KIAA1217: variants seen among roughly 807,000 people sequenced by gnomAD.
KIAA1217 encodes the protein KIAA1217.
KIAA1217 carries 88 observed loss-of-function variants against 163.9 expected under a neutral mutation model. The ratio of observed to expected loss-of-function variants is 0.54; its 90% CI spans 0.45 to 0.64. The LOEUF (loss-of-function observed/expected upper bound fraction) is 0.64, where lower values mean the gene tolerates loss of function less well. Ranked by LOEUF, KIAA1217 falls within the 30% of genes least tolerant of loss-of-function variation. The pLI, the probability that KIAA1217 is intolerant of heterozygous loss-of-function variation, is 0.00. For synonymous variants in KIAA1217, 903 were observed against 923.1 expected (o/e 0.98, Z 0.39); for missense variants, 2,372 against 2,475.0 (o/e 0.96, Z 0.88).
Position 24,520,240 on chromosome 10 carries a change from A to G in KIAA1217, c.2295A>G (p.Val765=). 6.2e-7 allele frequency: 1 copy of G among 1,614,144 alleles called. No homozygotes were observed. Among genetic ancestry groups the G allele is most frequent in the South Asian group, 1.1e-5 (1 of 91,074 alleles). ...TCCTGCGTCAAGTGGGAGAGGCTGT[A>G]GCTACCCTGAAAGGTAAACTTTCTG... is the stretch of plus-strand genomic sequence containing the variant. ...AFLLRQVGEA[V]ATLKGEFPTL... Residue 765 remains valine, a synonymous_variant, in exon 11 of 21, where the codon GTA becomes GTG. Coordinates refer to ENST00000376454, the MANE Select transcript of KIAA1217 (RefSeq NM_019590.5).
At chr10:24,474,122 C>T in intron 6 of KIAA1217, 62 bp downstream of exon 6, 2 of 1,227,882 alleles carry the variant, frequency 1.6e-6, no homozygotes, top group East Asian at 2.3e-5. Context: ...GTGGGCAGCT[C>T]TACAGGGGTC....
chr10:24,203,680 A>AG (rs2067393175), intron 2 of KIAA1217, among the ~76,000 whole-genome samples: 1 of 152,098 alleles, frequency 6.6e-6, no homozygotes, highest in Admixed American at 6.5e-5. Flanking sequence ...GTTGATAATG[A>AG]GGCACTGTGG....
chr10:23,816,893 A>T (rs535432292), intron 1 of KIAA1217, among the ~76,000 whole-genome samples: 4 of 152,308 alleles, frequency 2.6e-5, no homozygotes, highest in Admixed American at 6.5e-5. Flanking sequence ...ATTCTGGGAA[A>T]CAAGCAAGGC....
chr10:24,433,962 A>G lies in KIAA1217; in HGVS notation c.752+769A>G, dbSNP rs58548261. On this transcript the variant is annotated intron_variant, in intron 4 of 20. Coordinates refer to ENST00000376454, the MANE Select transcript of KIAA1217 (RefSeq NM_019590.5). Reference sequence around the variant, plus strand: ...AAATTAAGCTAAATGGACTCCTGCTATTGATGGGATTGAGAGTCAGTTAGA... The same window carrying G: ...AAATTAAGCTAAATGGACTCCTGCTGTTGATGGGATTGAGAGTCAGTTAGA... Among the ~76,000 whole-genome samples, 41 of 141,088 alleles carry G rather than the reference A, an allele frequency of 2.9e-4. No homozygotes were observed. In the East Asian group the frequency reaches 5.8e-3, roughly 20 times the overall value. The allele number at this position is 141,088 out of a possible 152,430, so 92.6% of individuals were successfully genotyped here.
chr10:23,847,130 G>A (rs529170259), intron 1 of KIAA1217, among the ~76,000 whole-genome samples: 4 of 152,144 alleles, frequency 2.6e-5, no homozygotes, highest in South Asian at 2.1e-4. Context: ...TACTGGATTC[G>A]GTTTGCCAGT....
intron 3 of KIAA1217, among the ~76,000 whole-genome samples, chr10:24,397,018 G>C (rs1051291394): frequency 1.3e-5 from 2 of 151,946 alleles, no homozygotes; most frequent in Admixed American, 1.3e-4. Context: ...AAGAATCTGG[G>C]TTCTGTAGAT....
intron 2 of KIAA1217, among the ~76,000 whole-genome samples, chr10:24,025,189 G>A (rs1847889169): frequency 6.6e-6 from 1 of 151,660 alleles, no homozygotes; most frequent in Non-Finnish European, 1.5e-5. Flanking sequence ...TTAGATGCTT[G>A]TGTTTGGTCT....
chr10:24,521,950 C>G (rs1434194254), intron 12 of KIAA1217, 21 bp downstream of exon 12: 1 of 1,597,248 alleles, frequency 6.3e-7, no homozygotes, highest in Non-Finnish European at 8.5e-7. Flanking sequence ...CCTCATCGTG[C>G]TGGGGGTGGC....
intron 1 of KIAA1217, among the ~76,000 whole-genome samples, chr10:23,741,329 G>A (rs184021185): frequency 2.7e-4 from 41 of 152,240 alleles, no homozygotes; most frequent in Admixed American, 2.5e-3. Flanking sequence ...TCAAGTCACC[G>A]TAGGATGGCT....
intron 2 of KIAA1217, among the ~76,000 whole-genome samples, chr10:24,140,284 C>T (rs910095044): frequency 2.6e-4 from 39 of 150,140 alleles, no homozygotes; most frequent in African/African-American, 4.2e-4. Flanking sequence ...GGCATGAACC[C>T]GGGAGGCGGA....
chr10:23,707,886 C>G (rs1251971892), intron 1 of KIAA1217, among the ~76,000 whole-genome samples: 1 of 151,788 alleles, frequency 6.6e-6, no homozygotes, highest in African/African-American at 2.4e-5. Context: ...AAAGTGGAGG[C>G]AAGAGAGAAA....
intron 1 of KIAA1217, among the ~76,000 whole-genome samples, chr10:23,979,207 T>C (rs1234757924): frequency 6.6e-6 from 1 of 152,188 alleles, no homozygotes; most frequent in African/African-American, 2.4e-5. Flanking sequence ...CTTCCCAACA[T>C]TCCTTAGACT....
At chr10:24,199,555 A>C (rs750055153) in intron 2 of KIAA1217, among the ~76,000 whole-genome samples, 63 of 152,218 alleles carry the variant, frequency 4.1e-4, no homozygotes, top group Non-Finnish European at 6.0e-4. Flanking sequence ...GAAACAAAGT[A>C]ATTTTCACTG....
At chr10:23,988,826 A>C (rs1589194007) in intron 1 of KIAA1217, among the ~76,000 whole-genome samples, 1 of 152,154 alleles carries the variant, frequency 6.6e-6, no homozygotes, top group East Asian at 1.9e-4. Flanking sequence ...TGGGAAAATG[A>C]CATTGACTTT....
At chr10:23,768,013 C>T (rs893427058) in intron 1 of KIAA1217, among the ~76,000 whole-genome samples, 2 of 152,150 alleles carry the variant, frequency 1.3e-5, no homozygotes, top group African/African-American at 4.8e-5. Context: ...CCAGGCCATG[C>T]CCAAGCATAT....
chr10:23,848,463 A>G (rs1317353094), intron 1 of KIAA1217, among the ~76,000 whole-genome samples: 1 of 152,092 alleles, frequency 6.6e-6, no homozygotes, highest in African/African-American at 2.4e-5. Flanking sequence ...TTCAACCCCA[A>G]ATGCCCACTC....
intron 2 of KIAA1217, among the ~76,000 whole-genome samples, chr10:24,272,081 G>A (rs1272509026): frequency 6.6e-6 from 1 of 152,152 alleles, no homozygotes; most frequent in East Asian, 1.9e-4. Flanking sequence ...TCTACTTGAA[G>A]CCTAGCAATA....
chr10:23,724,656 T>C (rs1838038247), intron 1 of KIAA1217, among the ~76,000 whole-genome samples: 1 of 152,180 alleles, frequency 6.6e-6, no homozygotes, highest in South Asian at 2.1e-4. Flanking sequence ...CAAAAGAGAA[T>C]GAAGGATTAA....
chr10:24,428,315 T>A (rs1343756510), intron 3 of KIAA1217, among the ~76,000 whole-genome samples: 1 of 152,220 alleles, frequency 6.6e-6, no homozygotes, highest in Non-Finnish European at 1.5e-5. Context: ...AGACATTGCG[T>A]GATCTGTGAT....
Sources: gnomAD v4.1 joint callset for allele counts (sites outside exome capture counted in the v4.1 genomes callset) on GRCh38, gnomAD v4.1.1 for gene constraint, MANE v1.5 for transcripts, NCBI Gene and HGNC (gene_info 2026-07-23, HGNC 2026-07-21) for gene names.